The following PUDP variants were observed in gnomAD, a reference collection of about 807,000 sequenced individuals.
The protein encoded by PUDP is pseudouridine 5'-phosphatase, also known as pseudouridine-5'-phosphatase.
PUDP carries 8 observed loss-of-function variants against 9.4 expected under a neutral mutation model. The observed-to-expected ratio is 0.85, with a 90% CI of 0.50 to 1.53. PUDP has a LOEUF of 1.53. Among genes scored for constraint, PUDP ranks in the 40% most tolerant of loss-of-function variants. PUDP has a pLI of 0.00. For missense variants in PUDP, 188 were observed against 189.7 expected (o/e 0.99, Z 0.05); for synonymous variants, 99 against 80.7 (o/e 1.23, Z -1.22).
chrX:6,987,016 A>G (rs1431636167), intron 1 of PUDP, among the ~76,000 whole-genome samples: 1 of 111,680 alleles, frequency 9.0e-6, no homozygotes, highest in Non-Finnish European at 1.9e-5. Context: ...TCCACCATCC[A>G]GCCGAAATAA....
chrX:6,712,055 A>G (rs1450381997), intron 1 of PUDP, among the ~76,000 whole-genome samples: 4 of 112,482 alleles, frequency 3.6e-5, no homozygotes. Context: ...TCCACAAAAT[A>G]ACTGCATGCC....
At chrX:6,987,659 T>C (rs915100174) in intron 1 of PUDP, among the ~76,000 whole-genome samples, 1 of 112,495 alleles carries the variant, frequency 8.9e-6, no homozygotes, top group African/African-American at 3.2e-5. Flanking sequence ...TACAGTTTTA[T>C]TAAAACACAG....
At chrX:7,111,010 C>G (rs979483203) in intron 1 of PUDP, among the ~76,000 whole-genome samples, 3 of 111,832 alleles carry the variant, frequency 2.7e-5, no homozygotes, top group Non-Finnish European at 5.6e-5. Context: ...CAATCTCGAA[C>G]TGTAATCCCC....
intron 3 of PUDP, among the ~76,000 whole-genome samples, chrX:6,778,467 G>A (rs955711851): frequency 3.5e-5 from 4 of 112,692 alleles, no homozygotes; most frequent in Non-Finnish European, 7.5e-5. Context: ...TTGATTTCCA[G>A]GGAATTAACA....
chrX:6,732,305 A>G (rs1181892406), intron 3 of PUDP, among the ~76,000 whole-genome samples: 1 of 110,597 alleles, frequency 9.0e-6, no homozygotes, highest in Non-Finnish European at 1.9e-5. Context: ...TGGCTCACTG[A>G]GGAGGCCTCA....
chrX:7,114,046 GTCTCTCTC>G (rs199597384), intron 1 of PUDP, among the ~76,000 whole-genome samples: 4 of 88,944 alleles, frequency 4.5e-5, no homozygotes, highest in Non-Finnish European at 9.1e-5. Context: ...GCTAGCTCAG[GTCTCTCTC>G]TCTCTCTCTC....
intron 3 of PUDP, among the ~76,000 whole-genome samples, chrX:6,808,455 G>A (rs1414934458): frequency 2.7e-5 from 3 of 111,909 alleles, no homozygotes; most frequent in African/African-American, 9.7e-5. Context: ...TGGTTATGAT[G>A]TGTGCCTCCA....
chrX:6,764,823 C>G (rs779976372), intron 3 of PUDP, among the ~76,000 whole-genome samples: 3 of 111,610 alleles, frequency 2.7e-5, no homozygotes, highest in African/African-American at 6.5e-5. Flanking sequence ...AAAATACTGA[C>G]TACTACTGAT....
At position 6,935,123 on chromosome X, in the gene PUDP, C is replaced by T. The variant is rs1305569690; in HGVS notation, c.*247+42010G>A. The stretch of plus-strand genomic sequence containing the variant: ...CCCAGGAATTGAACTCAGCTCTGCA[C>T]CAAGCGGACCTAATAGACATCTACA... On this transcript the variant is annotated intron_variant and NMD_transcript_variant, in intron 3 of 3. Transcript: ENST00000655425. Among the ~76,000 whole-genome samples the T allele has an allele frequency of 2.4e-3, 241 of 100,417 alleles. 2 individuals are homozygous for T. The highest frequency in any genetic ancestry group is 8.3e-3 in the African/African-American group (228 of 27,436). 87.2% of individuals were successfully genotyped at this position (100,417 alleles called of 115,157 possible).
chrX:7,134,762 C>T (rs1932700984), intron 1 of PUDP, among the ~76,000 whole-genome samples: 1 of 111,697 alleles, frequency 9.0e-6, no homozygotes, highest in African/African-American at 3.3e-5. Context: ...TTAAGATAAA[C>T]GAGGCAAATA....
At chrX:6,933,410 C>T (rs777484182) in intron 3 of PUDP, among the ~76,000 whole-genome samples, 161 of 111,575 alleles carry the variant, frequency 1.4e-3, no homozygotes, top group African/African-American at 5.1e-3. Context: ...TCCAACAGAC[C>T]TGCAGCTGAG....
chrX:6,797,911 A>C (rs948636069), intron 3 of PUDP, among the ~76,000 whole-genome samples: 1 of 112,262 alleles, frequency 8.9e-6, no homozygotes, highest in African/African-American at 3.2e-5. Context: ...TGAGGTGAAA[A>C]ATTTCAACAT....
At chrX:6,720,263 T>TATATATA (rs1445989565) in intron 1 of PUDP, among the ~76,000 whole-genome samples, 2 of 83,139 alleles carry the variant, frequency 2.4e-5, no homozygotes, top group Non-Finnish European at 4.5e-5. Flanking sequence ...TGTGTGTATA[T>TATATATA]ATATATATAT....
intron 3 of PUDP, among the ~76,000 whole-genome samples, chrX:6,917,185 T>G (rs1329551117): frequency 5.4e-5 from 6 of 110,619 alleles, no homozygotes; most frequent in Non-Finnish European, 1.1e-4. Context: ...GGCAACATAG[T>G]GAAACTCCAT....
intron 3 of PUDP, among the ~76,000 whole-genome samples, chrX:6,897,953 GTTTCACA>G (rs1265258847): frequency 8.9e-6 from 1 of 112,174 alleles, no homozygotes; most frequent in Non-Finnish European, 1.9e-5. Context: ...GGCATTGTAG[GTTTCACA>G]TAGAAGATGA....
chrX:6,896,177 C>A (rs748174188), intron 3 of PUDP, among the ~76,000 whole-genome samples: 1 of 111,607 alleles, frequency 9.0e-6, no homozygotes, highest in East Asian at 2.8e-4. Context: ...TAGGCTGAAA[C>A]TTGATTTTTT....
chrX:6,953,843 C>T (rs1022519194), intron 3 of PUDP, among the ~76,000 whole-genome samples: 5 of 111,771 alleles, frequency 4.5e-5, no homozygotes, highest in African/African-American at 1.6e-4. Flanking sequence ...GCTGTGTCCC[C>T]ACCCAGATCT....
intron 3 of PUDP, among the ~76,000 whole-genome samples, chrX:6,922,384 A>G (rs1444023643): frequency 3.6e-5 from 4 of 111,502 alleles, no homozygotes; most frequent in African/African-American, 1.3e-4. Context: ...TGCATCCACT[A>G]TATACCCACA....
chrX:7,118,501 T>A (rs1345388217), intron 1 of PUDP, among the ~76,000 whole-genome samples: 1 of 112,369 alleles, frequency 8.9e-6, no homozygotes, highest in East Asian at 2.8e-4. Flanking sequence ...TTTGGTTAAG[T>A]ACTGTACTGC....
Sources: allele counts gnomAD v4.1 joint callset (sites outside exome capture counted in the v4.1 genomes callset), GRCh38; gene constraint gnomAD v4.1.1; transcripts MANE v1.5; gene names NCBI Gene and HGNC (gene_info 2026-07-23, HGNC 2026-07-21).